Variants in RASGRF2 observed in about 807,000 individuals in gnomAD.
RASGRF2 encodes the protein Ras protein specific guanine nucleotide releasing factor 2.
Under a neutral mutation model 151.0 loss-of-function variants are expected in RASGRF2, and 76 were observed. That is an observed-to-expected ratio of 0.50 (90% CI 0.42 to 0.61). The LOEUF (loss-of-function observed/expected upper bound fraction) is 0.61. RASGRF2 is among the 20% of genes least tolerant of loss of function. The probability of loss-of-function intolerance (pLI) is 0.00; values close to 1 mark genes in which losing one functional copy is unlikely to be tolerated. For missense variants in RASGRF2, 1,148 were observed against 1,564.6 expected (o/e 0.73, Z 4.49); for synonymous variants, 504 against 566.5 (o/e 0.89, Z 1.57).
At chr5:81,015,595 A>G (rs907213323) in intron 1 of RASGRF2, among the ~76,000 whole-genome samples, 8 of 151,954 alleles carry the variant, frequency 5.3e-5, no homozygotes, top group African/African-American at 1.7e-4. Flanking sequence ...CTTTGCCCAC[A>G]TTTCTATTGG....
rs148607508 is a variant in RASGRF2 at position 80,971,349 on chromosome 5, A to T, written c.288+10323A>T. ...TGAAGTAAGTACTCTTTCATGTTGG[A>T]TTTCTCTTCCTCAACATCATATTTG... On this transcript the variant is annotated intron_variant, in intron 1 of 26. Coordinates refer to ENST00000265080, the MANE Select transcript of RASGRF2 (RefSeq NM_006909.3). 2.6e-5 allele frequency among the ~76,000 whole-genome samples: 4 copies of T among 152,198 alleles called. No homozygotes were observed. In the East Asian group the frequency reaches 7.7e-4, roughly 29 times the overall value.
intron 2 of RASGRF2, among the ~76,000 whole-genome samples, chr5:81,044,954 T>C (rs1263473050): frequency 6.6e-6 from 1 of 152,176 alleles, no homozygotes; most frequent in Non-Finnish European, 1.5e-5. Context: ...TTCTCTGAGA[T>C]GCATGGGGCT....
At chr5:80,974,068 G>T (rs542605728) in intron 1 of RASGRF2, among the ~76,000 whole-genome samples, 2 of 152,310 alleles carry the variant, frequency 1.3e-5, no homozygotes, top group South Asian at 2.1e-4. Flanking sequence ...TCAGCTTTTG[G>T]CAGGAGTCAC....
chr5:81,181,875 C>T (rs887156546), intron 18 of RASGRF2, among the ~76,000 whole-genome samples: 1 of 152,130 alleles, frequency 6.6e-6, no homozygotes, highest in African/African-American at 2.4e-5. Flanking sequence ...TTATCTCAAA[C>T]AGGAATCCCT....
intron 12 of RASGRF2, among the ~76,000 whole-genome samples, chr5:81,101,438 GGT>G (rs1387499285): frequency 6.6e-6 from 1 of 151,526 alleles, no homozygotes; most frequent in African/African-American, 2.4e-5. Context: ...AAAATTCTCT[GGT>G]TGAAATAAAA....
chr5:81,006,686 C>T (rs984022705), intron 1 of RASGRF2, among the ~76,000 whole-genome samples: 18 of 151,946 alleles, frequency 1.2e-4, no homozygotes, highest in African/African-American at 3.6e-4. Context: ...TGAGACCTCT[C>T]GGATCCCCCT....
At chr5:81,217,047 C>A in intron 24 of RASGRF2, 1 of 444,408 alleles carries the variant, frequency 2.3e-6, no homozygotes, top group South Asian at 1.7e-5. Context: ...AAAGTGTGGG[C>A]AGTTTACAAG....
In RASGRF2 at chr5:80,961,129, G is replaced by C; in HGVS notation, c.288+103G>C. On this transcript the variant is annotated intron_variant, in intron 1 of 26. Coordinates refer to ENST00000265080, the MANE Select transcript of RASGRF2 (RefSeq NM_006909.3). ...GTCGGGGGTCGTGAAAGAGTGCGGG[G>C]ACTATGCTCCGAAATCCCCCCGCGT... 3.1e-6 allele frequency: 4 copies of C among 1,282,366 alleles called. No individual in the cohort carries two copies. The African/African-American group carries it at 4.5e-5, about 14-fold the overall frequency. The allele number at this position is 1,282,366 out of a possible 1,614,324, so 79.4% of individuals were successfully genotyped here.
chr5:80,966,511 C>T (rs1747728977), intron 1 of RASGRF2, among the ~76,000 whole-genome samples: 2 of 151,988 alleles, frequency 1.3e-5, no homozygotes, highest in African/African-American at 2.4e-5. Flanking sequence ...TAAAATTATC[C>T]ATTACATTTT....
intron 23 of RASGRF2, 144 bp from the exon 24 acceptor site, chr5:81,215,732 A>G: frequency 9.5e-7 from 1 of 1,049,812 alleles, no homozygotes; most frequent in Non-Finnish European, 1.3e-6. Context: ...TCTACATCTT[A>G]GAATCCTATC....
intron 1 of RASGRF2, among the ~76,000 whole-genome samples, chr5:80,994,601 T>G (rs1748772918): frequency 6.6e-6 from 1 of 152,170 alleles, no homozygotes; most frequent in African/African-American, 2.4e-5. Context: ...TTCTGATCCA[T>G]ACATCTCACA....
At chr5:81,056,588 G>C (rs555979543) in intron 2 of RASGRF2, among the ~76,000 whole-genome samples, 2 of 152,316 alleles carry the variant, frequency 1.3e-5, no homozygotes, top group South Asian at 2.1e-4. Context: ...GTGGTGCTGA[G>C]AAGAATGTAT....
At chr5:81,082,260 C>T (rs965397721) in intron 7 of RASGRF2, among the ~76,000 whole-genome samples, 1 of 152,108 alleles carries the variant, frequency 6.6e-6, no homozygotes, top group Non-Finnish European at 1.5e-5. Flanking sequence ...GCTGTACTTT[C>T]GCTGTAGATG....
intron 17 of RASGRF2, 26 bp from the exon 18 acceptor site, chr5:81,180,149 A>G: frequency 7.1e-7 from 1 of 1,399,682 alleles, no homozygotes. Context: ...TAACTGCAAC[A>G]CGTGTGTGTT....
At chr5:81,032,215 G>T (rs1750281012) in intron 1 of RASGRF2, among the ~76,000 whole-genome samples, 3 of 152,148 alleles carry the variant, frequency 2.0e-5, no homozygotes, top group Admixed American at 2.0e-4. Context: ...AATTCTACCA[G>T]AGGTACAAAG....
chr5:81,076,448 C>T (rs905137604), intron 5 of RASGRF2, among the ~76,000 whole-genome samples: 7 of 152,070 alleles, frequency 4.6e-5, no homozygotes, highest in East Asian at 1.9e-4. Flanking sequence ...CAAGGACATC[C>T]GCTGATGGGG....
chr5:80,969,726 C>T (rs949210657), intron 1 of RASGRF2, among the ~76,000 whole-genome samples: 2 of 151,318 alleles, frequency 1.3e-5, no homozygotes, highest in Non-Finnish European at 2.9e-5. Flanking sequence ...GCTGGGATTA[C>T]AGGCGTGAGC....
chr5:80,988,333 G>A (rs777920102), intron 1 of RASGRF2, among the ~76,000 whole-genome samples: 1 of 151,996 alleles, frequency 6.6e-6, no homozygotes, highest in African/African-American at 2.4e-5. Context: ...TTACAGTGAT[G>A]AGCCACCACA....
chr5:81,226,823 C>T lies in RASGRF2; in HGVS notation c.*1053C>T, dbSNP rs761091856. The T allele has an allele frequency of 1.7e-4, 26 of 152,012 alleles. No individual in the cohort carries two copies. The highest frequency in any genetic ancestry group is 3.9e-4 in the African/African-American group (16 of 41,374). The allele number at this position is 152,012 out of a possible 1,614,324, so 9.4% of individuals were successfully genotyped here. On this transcript the variant is annotated 3_prime_UTR_variant, in exon 27 of 27. Coordinates refer to ENST00000265080, the MANE Select transcript of RASGRF2 (RefSeq NM_006909.3). The stretch of plus-strand genomic sequence containing the variant: ...AAAACCCACACTTCCATATGCTGTT[C>T]GTAGATCTCTTTCTTTAAAAACTGA...
Sources: gnomAD v4.1 joint callset for allele counts (sites outside exome capture counted in the v4.1 genomes callset) on GRCh38, gnomAD v4.1.1 for gene constraint, MANE v1.5 for transcripts, NCBI Gene and HGNC (gene_info 2026-07-23, HGNC 2026-07-21) for gene names.